The following NGLY1 variants were observed in gnomAD, a reference collection of about 807,000 sequenced individuals.
NGLY1 encodes the protein peptide-N(4)-(N-acetyl-beta-glucosaminyl)asparagine amidase.
Under a neutral mutation model 84.6 loss-of-function variants are expected in NGLY1, and 68 were observed. The ratio of observed to expected loss-of-function variants is 0.80; its 90% CI spans 0.66 to 0.98. NGLY1 has a LOEUF of 0.98. Ranked by LOEUF, NGLY1 falls within the 50% of genes least tolerant of loss-of-function variation. The probability of loss-of-function intolerance (pLI) is 0.00; values close to 1 mark genes in which losing one functional copy is unlikely to be tolerated. For missense variants in NGLY1, 779 were observed against 770.2 expected (o/e 1.01, Z -0.14); for synonymous variants, 280 against 275.2 (o/e 1.02, Z -0.17).
intron 1 of NGLY1, among the ~76,000 whole-genome samples, chr3:25,788,492 C>G (rs1708650422): frequency 6.6e-6 from 1 of 152,120 alleles, no homozygotes; most frequent in Non-Finnish European, 1.5e-5. Context: ...CCACCCTTTT[C>G]CAGATCAAAG....
At chr3:25,734,978 A>C (rs1705743028) in intron 7 of NGLY1, 1 of 457,570 alleles carries the variant, frequency 2.2e-6, no homozygotes, top group Admixed American at 6.4e-5. Flanking sequence ...TTCAATGGAG[A>C]AAAAATAATC....
intron 10 of NGLY1, among the ~76,000 whole-genome samples, chr3:25,721,475 T>C (rs1290891422): frequency 6.6e-6 from 1 of 152,068 alleles, no homozygotes; most frequent in East Asian, 1.9e-4. Context: ...ACAATTAGGC[T>C]GGGCACGGTG....
At chr3:25,740,518 T>C (rs1271445296) in intron 4 of NGLY1, among the ~76,000 whole-genome samples, 1 of 152,194 alleles carries the variant, frequency 6.6e-6, no homozygotes, top group Admixed American at 6.5e-5. Context: ...CATCTCTATC[T>C]TTAATGTTTT....
At chr3:25,770,497 T>C (rs931029046) in intron 2 of NGLY1, among the ~76,000 whole-genome samples, 3 of 152,230 alleles carry the variant, frequency 2.0e-5, no homozygotes, top group African/African-American at 7.2e-5. Flanking sequence ...GATTCCATAT[T>C]TTTGCAATTG....
At chr3:25,742,343 T>C (rs958137212) in intron 4 of NGLY1, among the ~76,000 whole-genome samples, 1 of 152,176 alleles carries the variant, frequency 6.6e-6, no homozygotes, top group Non-Finnish European at 1.5e-5. Context: ...ATTGTATAAA[T>C]AATAGTGTAT....
At chr3:25,759,696 A>G (rs906138265) in intron 3 of NGLY1, among the ~76,000 whole-genome samples, 2 of 152,204 alleles carry the variant, frequency 1.3e-5, no homozygotes, top group African/African-American at 4.8e-5. Context: ...TTGAGAGACT[A>G]AAGTTACTTA....
In NGLY1 at chr3:25,737,468, GAAA is replaced by G; in HGVS notation, c.882-16_882-14del. 1.3e-6 allele frequency: 2 copies of G among 1,552,348 alleles called. No individual in the cohort carries two copies. The highest frequency in any genetic ancestry group is 1.7e-6 in the Non-Finnish European group (2 of 1,144,584). Reference sequence around the variant, plus strand: ...AGGGTTATTATATCTGGTTTAAAAAGAAAAAAAACCTTAATTATCAAAATCAAG... The same window carrying G: ...AGGGTTATTATATCTGGTTTAAAAAGAAAAACCTTAATTATCAAAATCAAG... On this transcript the variant is annotated splice_polypyrimidine_tract_variant and intron_variant, in intron 5 of 11. Coordinates refer to ENST00000280700, the MANE Select transcript of NGLY1 (RefSeq NM_018297.4).
intron 4 of NGLY1, among the ~76,000 whole-genome samples, chr3:25,742,882 G>T (rs1706221938): frequency 1.2e-5 from 1 of 83,988 alleles, no homozygotes; most frequent in Admixed American, 1.8e-4. Context: ...TACCTTATGT[G>T]GCAAAAAAAA....
chr3:25,760,070 A>G (rs901934795), intron 3 of NGLY1, among the ~76,000 whole-genome samples: 5 of 152,154 alleles, frequency 3.3e-5, no homozygotes, highest in African/African-American at 1.2e-4. Context: ...GTTTTAATCA[A>G]CTTGTGACTT....
At chr3:25,728,289 C>T (rs1173902851) in intron 10 of NGLY1, among the ~76,000 whole-genome samples, 1 of 152,086 alleles carries the variant, frequency 6.6e-6, no homozygotes, top group Non-Finnish European at 1.5e-5. Flanking sequence ...GTAACAGATG[C>T]TCATAAACAC....
intron 3 of NGLY1, among the ~76,000 whole-genome samples, chr3:25,753,043 C>CAA (rs34906518): frequency 6.8e-6 from 1 of 147,782 alleles, no homozygotes; most frequent in Non-Finnish European, 1.5e-5. Context: ...GGCAACTGCT[C>CAA]AAAAAAAAAC....
In NGLY1 at chr3:25,722,272, C is replaced by CATATAT. The variant is rs1308204639; in HGVS notation, c.1612-2082_1612-2081insATATAT. Among the ~76,000 whole-genome samples, 173 of 67,280 alleles carry CATATAT rather than the reference C, an allele frequency of 2.6e-3. 1 individual carries two copies. Among genetic ancestry groups the CATATAT allele is most frequent in the African/African-American group, 4.7e-3 (169 of 35,816 alleles). The allele number at this position is 67,280 out of a possible 152,430, so 44.1% of individuals were successfully genotyped here. ...AAATATTATTAAAGATCTGTATACA[C>CATATAT]ACATATATATATATATATATTCATG... On this transcript the variant is annotated intron_variant, in intron 10 of 11. Transcript: ENST00000280700.
Position 25,719,715 on chromosome 3 carries a change from T to C in NGLY1, c.1790-80A>G, listed in dbSNP as rs111284196. 1,153 of 1,091,802 alleles carry C rather than the reference T, an allele frequency of 1.1e-3. 7 individuals carry two copies. The African/African-American group carries it at 0.016, about 15-fold the overall frequency. 67.6% of individuals were successfully genotyped at this position (1,091,802 alleles called of 1,614,324 possible). A position where few individuals can be genotyped will look rare whatever the true frequency, so the allele number is the denominator to read the frequency against. ...AGATCATTTTGAAATGTATTTTATA[T>C]AGGCTGATGTATAAGTTAAAATAAA... On this transcript the variant is annotated intron_variant, in intron 11 of 11. Coordinates refer to ENST00000280700, the MANE Select transcript of NGLY1 (RefSeq NM_018297.4).
At chr3:25,780,118 A>G (rs1708341406) in intron 1 of NGLY1, among the ~76,000 whole-genome samples, 1 of 152,240 alleles carries the variant, frequency 6.6e-6, no homozygotes, top group Non-Finnish European at 1.5e-5. Context: ...GTTCTTTACT[A>G]TATGTAATTT....
chr3:25,784,590 C>A (rs929942271), upstream of NGLY1, among the ~76,000 whole-genome samples: 1 of 152,144 alleles, frequency 6.6e-6, no homozygotes, highest in Non-Finnish European at 1.5e-5. Context: ...TTTTTCTTGA[C>A]TTTATTTCTT....
At chr3:25,787,434 T>C (rs1708629157), upstream of NGLY1, among the ~76,000 whole-genome samples, 1 of 152,212 alleles carries the variant, frequency 6.6e-6, no homozygotes, top group Non-Finnish European at 1.5e-5. Flanking sequence ...ACCCTGCTCA[T>C]TTGTGCAATA....
Position 25,719,484 on chromosome 3 carries a change from T to C in NGLY1, c.1941A>G (p.Ile647Met). ...LNDHEENCLE[I>M]IIKFSDL ...CTCAAAGGTCACTGAATTTTATAAT[T>C]ATCTCCAAACAATTTTCTTCATGGT... Residue 647 changes from isoleucine to methionine, a missense_variant, in exon 12 of 12, where the codon ATA (isoleucine) becomes ATG (methionine). Coordinates refer to ENST00000280700, the MANE Select transcript of NGLY1 (RefSeq NM_018297.4). 6.2e-7 allele frequency: 1 copy of C among 1,613,838 alleles called. No homozygotes were observed. Among genetic ancestry groups the C allele is most frequent in the South Asian group, 1.1e-5 (1 of 91,050 alleles).
At chr3:25,728,113 C>A (rs1434684400) in intron 10 of NGLY1, among the ~76,000 whole-genome samples, 1 of 151,898 alleles carries the variant, frequency 6.6e-6, no homozygotes, top group Non-Finnish European at 1.5e-5. Flanking sequence ...ACAAAAATAC[C>A]TCAACTTTTT....
At chr3:25,778,548 G>T (rs1197699797) in intron 2 of NGLY1, 26 bp downstream of exon 2, 2 of 1,310,936 alleles carry the variant, frequency 1.5e-6, no homozygotes, top group Non-Finnish European at 1.1e-6. Flanking sequence ...ATGAAGAGGG[G>T]AGAGGAAATC....
Sources: allele counts gnomAD v4.1 joint callset (sites outside exome capture counted in the v4.1 genomes callset), GRCh38; gene constraint gnomAD v4.1.1; transcripts MANE v1.5; gene names NCBI Gene and HGNC (gene_info 2026-07-23, HGNC 2026-07-21).